Variants in RNLS observed in about 807,000 individuals in gnomAD.
The protein encoded by RNLS is renalase, FAD dependent amine oxidase, also known as renalase.
Under a neutral mutation model 39.8 loss-of-function variants are expected in RNLS, and 39 were observed. That is an observed-to-expected ratio of 0.98 (90% CI 0.76 to 1.28). RNLS has a LOEUF of 1.28. Among genes scored for constraint, RNLS ranks in the 50% most tolerant of loss-of-function variants. The pLI, the probability that RNLS is intolerant of heterozygous loss-of-function variation, is 0.00. For missense variants in RNLS, 410 were observed against 413.3 expected (o/e 0.99, Z 0.07); for synonymous variants, 147 against 150.7 (o/e 0.98, Z 0.18).
chr10:88,230,648 T>G, the RNLS span, among the ~76,000 whole-genome samples: 1 of 152,218 alleles, frequency 6.6e-6, no homozygotes. Flanking sequence ...ATAAGGTCAG[T>G]CTCAGCATCT....
intron 5 of RNLS, among the ~76,000 whole-genome samples, chr10:88,348,088 C>A (rs538380772): frequency 6.6e-6 from 1 of 152,130 alleles, no homozygotes; most frequent in Non-Finnish European, 1.5e-5. Context: ...GTGACCCTTG[C>A]TGGTTTTCCC....
chr10:88,279,530 G>A (rs1277617263), downstream of RNLS, among the ~76,000 whole-genome samples: 2 of 152,076 alleles, frequency 1.3e-5, no homozygotes, highest in Non-Finnish European at 2.9e-5. Flanking sequence ...GGCATATTCA[G>A]GATGTCACCG....
chr10:88,225,989 G>A, the RNLS span, among the ~76,000 whole-genome samples: 3 of 151,896 alleles, frequency 2.0e-5, no homozygotes, highest in Non-Finnish European at 4.4e-5. Context: ...TACTACTGGA[G>A]TGTTTTGTAT....
At chr10:88,309,256 C>T (rs1276575991) in intron 6 of RNLS, 7 of 220,844 alleles carry the variant, frequency 3.2e-5, no homozygotes, top group Non-Finnish European at 5.3e-5. Flanking sequence ...CAAACCTGCA[C>T]GCGTACCCCT....
intron 4 of RNLS, among the ~76,000 whole-genome samples, chr10:88,398,370 A>C (rs1457099175): frequency 1.3e-5 from 2 of 152,002 alleles, no homozygotes; most frequent in South Asian, 2.1e-4. Context: ...ACCTGGCCTT[A>C]GGCAATTAAG....
chr10:88,243,226 G>A, the RNLS span, among the ~76,000 whole-genome samples: 1 of 152,202 alleles, frequency 6.6e-6, no homozygotes, highest in South Asian at 2.1e-4. Flanking sequence ...CTACTTTGCA[G>A]ATGATAAATT....
At chr10:88,575,216 A>G (rs10887834) in intron 3 of RNLS, among the ~76,000 whole-genome samples, 2,569 of 13,708 alleles carry the variant, frequency 0.19, 84 homozygotes, top group African/African-American at 0.46. Context: ...ATGTGTGTGT[A>G]TATATATATA....
At chr10:88,410,657 C>A (rs112557644) in intron 4 of RNLS, among the ~76,000 whole-genome samples, 18,081 of 151,904 alleles carry the variant, frequency 0.12, 1,177 homozygotes, top group Admixed American at 0.2. Context: ...GAGTTTGGAA[C>A]CACAGAGATA....
At chr10:88,436,356 A>G (rs1841411865) in intron 4 of RNLS, among the ~76,000 whole-genome samples, 1 of 152,098 alleles carries the variant, frequency 6.6e-6, no homozygotes, top group South Asian at 2.1e-4. Context: ...TCCTACAAAG[A>G]TCCATATTGC....
At chr10:88,319,787 T>A (rs928816712) in intron 5 of RNLS, among the ~76,000 whole-genome samples, 3 of 152,062 alleles carry the variant, frequency 2.0e-5, no homozygotes, top group African/African-American at 7.2e-5. Flanking sequence ...TATGGGATTA[T>A]GTAAAGTGAA....
chr10:88,548,697 ATAT>A (rs1848462624), intron 4 of RNLS, among the ~76,000 whole-genome samples: 1 of 147,966 alleles, frequency 6.8e-6, no homozygotes, highest in Non-Finnish European at 1.5e-5. Flanking sequence ...TATATAATAT[ATAT>A]TATATTTAAT....
intron 4 of RNLS, among the ~76,000 whole-genome samples, chr10:88,527,465 G>C (rs1305636015): frequency 6.6e-6 from 1 of 152,146 alleles, no homozygotes. Flanking sequence ...GCTTTGTTAG[G>C]CCAGGGGGAG....
At chr10:88,303,462 T>C (rs543497104) in intron 6 of RNLS, among the ~76,000 whole-genome samples, 2 of 152,296 alleles carry the variant, frequency 1.3e-5, no homozygotes, top group South Asian at 2.1e-4. Context: ...CCCTACACTA[T>C]AGCTTCTGTA....
intron 4 of RNLS, among the ~76,000 whole-genome samples, chr10:88,443,669 C>T (rs552086482): frequency 6.6e-6 from 1 of 152,370 alleles, no homozygotes; most frequent in South Asian, 2.1e-4. Flanking sequence ...GAGATTATAT[C>T]CCGTGCATGG....
At chr10:88,421,496 C>T (rs1226512223) in intron 4 of RNLS, among the ~76,000 whole-genome samples, 2 of 152,192 alleles carry the variant, frequency 1.3e-5, no homozygotes, top group African/African-American at 4.8e-5. Flanking sequence ...AAAAGCTTCT[C>T]ATATGTGTTC....
chr10:88,490,889 T>TA (rs1844837059), intron 4 of RNLS, among the ~76,000 whole-genome samples: 1 of 152,118 alleles, frequency 6.6e-6, no homozygotes, highest in African/African-American at 2.4e-5. Flanking sequence ...TGTTATTGGA[T>TA]AAAAATAAAT....
intron 4 of RNLS, among the ~76,000 whole-genome samples, chr10:88,401,352 T>C (rs996538389): frequency 2.0e-5 from 3 of 152,060 alleles, no homozygotes; most frequent in South Asian, 2.1e-4. Flanking sequence ...AATTCGGTCC[T>C]AGAAAACATT....
At chr10:88,326,973 C>T (rs2133132439) in intron 5 of RNLS, among the ~76,000 whole-genome samples, 1 of 152,290 alleles carries the variant, frequency 6.6e-6, no homozygotes, top group African/African-American at 2.4e-5. Context: ...TTTAGACTTG[C>T]ATGGGGACTG....
At chr10:88,237,791 A>C in the RNLS span, among the ~76,000 whole-genome samples, 1 of 152,226 alleles carries the variant, frequency 6.6e-6, no homozygotes, top group African/African-American at 2.4e-5. Flanking sequence ...TGCAAGAACC[A>C]TGTTGGATCC....
Sources: allele counts gnomAD v4.1 joint callset (sites outside exome capture counted in the v4.1 genomes callset), GRCh38; gene constraint gnomAD v4.1.1; transcripts MANE v1.5; gene names NCBI Gene and HGNC (gene_info 2026-07-23, HGNC 2026-07-21).